Variants in CKAP5 observed in about 807,000 individuals in gnomAD.
The protein encoded by CKAP5 is cytoskeleton associated protein 5, also known as cytoskeleton-associated protein 5.
Under a neutral mutation model 232.8 loss-of-function variants are expected in CKAP5, and 27 were observed. The observed-to-expected ratio is 0.12, with a 90% confidence interval of 0.09 to 0.16. The LOEUF (loss-of-function observed/expected upper bound fraction) is 0.16, where lower values mean the gene tolerates loss of function less well. CKAP5 is among the 10% of genes least tolerant of loss of function. The pLI is 1.00. For synonymous variants in CKAP5, 785 were observed against 841.1 expected (o/e 0.93, Z 1.16); for missense variants, 1,838 against 2,424.7 (o/e 0.76, Z 5.08).
intron 24 of CKAP5, among the ~76,000 whole-genome samples, chr11:46,773,313 G>A (rs542341944): frequency 6.6e-6 from 1 of 151,174 alleles, no homozygotes; most frequent in East Asian, 1.9e-4. Flanking sequence ...GCAATGACGC[G>A]ATCTTGGCTC....
chr11:46,794,975 G>A (rs1370516952), intron 13 of CKAP5, among the ~76,000 whole-genome samples: 1 of 152,208 alleles, frequency 6.6e-6, no homozygotes, highest in Non-Finnish European at 1.5e-5. Context: ...TACGGCAATG[G>A]ATTGTGGTGA....
chr11:46,830,092 C>T (rs568263863), intron 1 of CKAP5, among the ~76,000 whole-genome samples: 18 of 151,916 alleles, frequency 1.2e-4, no homozygotes, highest in Admixed American at 4.6e-4. Flanking sequence ...ATGGGCAAGA[C>T]GGAGGGAGAT....
At chr11:46,827,316 A>C (rs1939679706) in intron 1 of CKAP5, among the ~76,000 whole-genome samples, 1 of 152,192 alleles carries the variant, frequency 6.6e-6, no homozygotes, top group Admixed American at 6.5e-5. Context: ...CCTGGAAAAG[A>C]TCCTACAATG....
At chr11:46,763,345 C>A (rs2065172429) in intron 29 of CKAP5, 136 bp downstream of exon 29, 2 of 981,590 alleles carry the variant, frequency 2.0e-6, no homozygotes, top group Non-Finnish European at 3.0e-6. Context: ...TTTATTCTAC[C>A]AAATAACAAG....
intron 8 of CKAP5, chr11:46,802,024 A>G (rs891687673): frequency 6.6e-6 from 1 of 152,212 alleles, no homozygotes; most frequent in African/African-American, 2.4e-5. Flanking sequence ...TTCATAACCA[A>G]GAAGCACCAG....
intron 9 of CKAP5, among the ~76,000 whole-genome samples, chr11:46,800,365 T>G (rs545018290): frequency 6.6e-6 from 1 of 152,192 alleles, no homozygotes; most frequent in African/African-American, 2.4e-5. Context: ...CCATAGCTCA[T>G]GTGAGGCTAG....
At chr11:46,843,319 T>G (rs1940105099) in intron 1 of CKAP5, among the ~76,000 whole-genome samples, 1 of 151,962 alleles carries the variant, frequency 6.6e-6, no homozygotes, top group African/African-American at 2.4e-5. Flanking sequence ...CTTCTGTATA[T>G]AAGTAGGTAA....
At chr11:46,844,583 T>G (rs920609287) in intron 1 of CKAP5, among the ~76,000 whole-genome samples, 1 of 152,226 alleles carries the variant, frequency 6.6e-6, no homozygotes. Flanking sequence ...GTAAAAGGCA[T>G]GTTAATTGTT....
At chr11:46,807,127 T>C (rs1385432274) in intron 8 of CKAP5, among the ~76,000 whole-genome samples, 1 of 152,182 alleles carries the variant, frequency 6.6e-6, no homozygotes, top group Non-Finnish European at 1.5e-5. Flanking sequence ...GAGTTCAATG[T>C]TAATGAATCA....
chr11:46,831,566 T>C (rs1217706920), intron 1 of CKAP5, among the ~76,000 whole-genome samples: 1 of 152,208 alleles, frequency 6.6e-6, no homozygotes, highest in African/African-American at 2.4e-5. Flanking sequence ...TATTGCTCCA[T>C]TGCCCAGGCT....
At chr11:46,817,126 AAG>A (rs1348974895) in intron 3 of CKAP5, among the ~76,000 whole-genome samples, 2 of 151,470 alleles carry the variant, frequency 1.3e-5, no homozygotes, top group East Asian at 1.9e-4. Context: ...AAAAAAAAAA[AAG>A]AGAGAGAGAC....
chr11:46,753,955 C>T (rs2065090489), intron 36 of CKAP5, among the ~76,000 whole-genome samples: 1 of 151,868 alleles, frequency 6.6e-6, no homozygotes, highest in Non-Finnish European at 1.5e-5. Context: ...TCCCCCAAGC[C>T]TCTAGTAATA....
At chr11:46,843,885 A>C (rs537777100) in intron 1 of CKAP5, among the ~76,000 whole-genome samples, 22 of 152,122 alleles carry the variant, frequency 1.4e-4, no homozygotes, top group Non-Finnish European at 2.4e-4. Flanking sequence ...TATTGCAAAA[A>C]CAAAACCTGT....
At chr11:46,813,741 C>T (rs1592476238) in intron 4 of CKAP5, among the ~76,000 whole-genome samples, 3 of 152,178 alleles carry the variant, frequency 2.0e-5, no homozygotes, top group Admixed American at 1.3e-4. Context: ...ATGAGATATA[C>T]GTAACTTGTT....
chr11:46,843,991 C>T (rs935535897), intron 1 of CKAP5, among the ~76,000 whole-genome samples: 2 of 151,898 alleles, frequency 1.3e-5, no homozygotes, highest in African/African-American at 4.8e-5. Flanking sequence ...GAAGCTGAGG[C>T]GGGTGGATCA....
intron 1 of CKAP5, among the ~76,000 whole-genome samples, chr11:46,840,644 C>A (rs909369109): frequency 6.6e-6 from 1 of 152,120 alleles, no homozygotes; most frequent in African/African-American, 2.4e-5. Context: ...CATGGTGGTC[C>A]CTGGAGCGTG....
intron 1 of CKAP5, among the ~76,000 whole-genome samples, chr11:46,822,296 T>C (rs191204253): frequency 6.6e-6 from 1 of 151,824 alleles, no homozygotes; most frequent in Non-Finnish European, 1.5e-5. Context: ...AACCAAAAAT[T>C]TGTTTTCTAA....
chr11:46,844,698 A>G (rs1266866814), intron 1 of CKAP5, among the ~76,000 whole-genome samples: 1 of 152,096 alleles, frequency 6.6e-6, no homozygotes, highest in African/African-American at 2.4e-5. Context: ...CTAGAGTGCA[A>G]TGGCGGGATC....
chr11:46,799,998 C>T (rs867547723), intron 9 of CKAP5, among the ~76,000 whole-genome samples: 1 of 148,500 alleles, frequency 6.7e-6, no homozygotes, highest in Middle Eastern at 3.4e-3. Context: ...GAGACCCTGT[C>T]TCAAAAAAAA....
Sources: allele counts gnomAD v4.1 joint callset (sites outside exome capture counted in the v4.1 genomes callset), GRCh38; gene constraint gnomAD v4.1.1; transcripts MANE v1.5; gene names NCBI Gene and HGNC (gene_info 2026-07-23, HGNC 2026-07-21).